GRK5: variants seen among roughly 807,000 people sequenced by gnomAD.
GRK5 encodes the protein g protein-coupled receptor kinase GRK5.
In GRK5, 40 loss-of-function variants were observed where a neutral mutation model predicts 78.4. The ratio of observed to expected loss-of-function variants is 0.51; its 90% confidence interval spans 0.40 to 0.66. The LOEUF is 0.66. Ranked by LOEUF, GRK5 falls within the 30% of genes least tolerant of loss-of-function variation. GRK5 has a pLI of 0.00. For missense variants in GRK5, 598 were observed against 759.9 expected (o/e 0.79, Z 2.50); for synonymous variants, 289 against 296.8 (o/e 0.97, Z 0.27).
chr10:119,333,903 C>A, intron 2 of GRK5: 1 of 518,078 alleles, frequency 1.9e-6, no homozygotes, highest in Non-Finnish European at 3.9e-6. Context: ...AGAACCAAGG[C>A]AAAGATCTAT....
rs377555115 is a variant in GRK5 at position 119,383,212 on chromosome 10, C to T, written c.261+2285C>T. Among the ~76,000 whole-genome samples the T allele has an allele frequency of 1.8e-3, 280 of 152,326 alleles. 3 individuals carry two copies. The highest frequency in any genetic ancestry group is 6.5e-3 in the African/African-American group (270 of 41,578). ...CTGGAACCACAGGCGTGAGCCACCGCGCCTGGCCTGGCTCCTTTATATTTC... is the reference window on the plus strand; with the variant it reads ...CTGGAACCACAGGCGTGAGCCACCGTGCCTGGCCTGGCTCCTTTATATTTC... On this transcript the variant is annotated intron_variant, in intron 3 of 15. Coordinates refer to ENST00000392870, the MANE Select transcript of GRK5 (RefSeq NM_005308.3).
At chr10:119,371,410 C>T (rs1851544997) in intron 2 of GRK5, among the ~76,000 whole-genome samples, 1 of 152,276 alleles carries the variant, frequency 6.6e-6, no homozygotes, top group East Asian at 1.9e-4. Context: ...AAAGTATGTT[C>T]CCATTTCATG....
intron 1 of GRK5, among the ~76,000 whole-genome samples, chr10:119,303,695 G>A (rs1010151444): frequency 6.7e-6 from 1 of 150,186 alleles, no homozygotes; most frequent in Non-Finnish European, 1.5e-5. Context: ...AAAGGGGCAA[G>A]AACGGAGGTG....
intron 2 of GRK5, among the ~76,000 whole-genome samples, chr10:119,348,633 G>A (rs1164027871): frequency 6.6e-6 from 1 of 152,222 alleles, no homozygotes; most frequent in African/African-American, 2.4e-5. Flanking sequence ...GCAGGACGAT[G>A]CTATGTGGCT....
chr10:119,364,192 C>T (rs1457428544), intron 2 of GRK5, among the ~76,000 whole-genome samples: 2 of 152,182 alleles, frequency 1.3e-5, no homozygotes, highest in South Asian at 4.1e-4. Context: ...AGATCCAACC[C>T]CAGCCCAATG....
chr10:119,445,082 C>T lies in GRK5; in HGVS notation c.1266+1330C>T, dbSNP rs1387728381. On this transcript the variant is annotated intron_variant, in intron 12 of 15. Transcript: ENST00000392870. The surrounding 1 kb of genome is among the most constrained non-coding windows in gnomAD (Gnocchi z 4.1). ...AAGTCCTGTGTGTACAGCAGACCCA[C>T]ACTCTAACCCCACAGCTGTTGGCCC... Among the ~76,000 whole-genome samples the T allele has an allele frequency of 1.3e-5, 2 of 152,192 alleles. No homozygotes were observed. Among genetic ancestry groups the T allele is most frequent in the African/African-American group, 4.8e-5 (2 of 41,434 alleles).
rs1853442076 is a variant in GRK5 at position 119,458,923 on chromosome 10, G to C, written c.*3856G>C. ...TGCCAAAGGGGACGGTGGCTTCCTG[G>C]ATAATTGGAAATCTCTGAGAAGAAG... On this transcript the variant is annotated 3_prime_UTR_variant, in exon 16 of 16. Coordinates refer to ENST00000392870, the MANE Select transcript of GRK5 (RefSeq NM_005308.3). 1 of 152,148 alleles carries C rather than the reference G, an allele frequency of 6.6e-6. No homozygotes were observed. Among genetic ancestry groups the C allele is most frequent in the Non-Finnish European group, 1.5e-5 (1 of 68,030 alleles). The allele number at this position is 152,148 out of a possible 1,614,324, so 9.4% of individuals were successfully genotyped here. A position where few individuals can be genotyped will look rare whatever the true frequency, so the allele number is the denominator to read the frequency against.
rs1454244411 is a variant in GRK5 at position 119,253,538 on chromosome 10, AT to A, written c.52+45570del. Among the ~76,000 whole-genome samples, 1 of 152,108 alleles carries A rather than the reference AT, an allele frequency of 6.6e-6. No homozygotes were observed. Among genetic ancestry groups the A allele is most frequent in the Non-Finnish European group, 1.5e-5 (1 of 68,018 alleles). Reference sequence around the variant, plus strand: ...AAGCCCTGGAGCTTAGGGTGCTGTGATATGCTTGCGGGATGCTGCCCCACCA... The same window carrying A: ...AAGCCCTGGAGCTTAGGGTGCTGTGAATGCTTGCGGGATGCTGCCCCACCA... On this transcript the variant is annotated intron_variant, in intron 1 of 15. Transcript: ENST00000392870. The surrounding 1 kb of genome is among the most constrained non-coding windows in gnomAD (Gnocchi z 5.7).
At position 119,436,641 on chromosome 10, in the gene GRK5, G is replaced by A. The variant is rs561865257; in HGVS notation, c.739-10G>A. The stretch of plus-strand genomic sequence containing the variant: ...ACAACCTCCCCATGGCACTGTTCTT[G>A]TGCTCCCAGGTCAACCTGGCCTATG... On this transcript the variant is annotated splice_polypyrimidine_tract_variant and intron_variant, in intron 8 of 15. Coordinates refer to ENST00000392870, the MANE Select transcript of GRK5 (RefSeq NM_005308.3). 1 of 1,613,958 alleles carries A rather than the reference G, an allele frequency of 6.2e-7. No homozygotes were observed. Among genetic ancestry groups the A allele is most frequent in the Non-Finnish European group, 8.5e-7 (1 of 1,179,930 alleles).
At chr10:119,444,088 C>A (rs1853095744) in intron 12 of GRK5, among the ~76,000 whole-genome samples, 1 of 152,166 alleles carries the variant, frequency 6.6e-6, no homozygotes, top group Admixed American at 6.5e-5. Flanking sequence ...GCCCCAGACA[C>A]AAAGCAACCT....
chr10:119,393,963 C>CTGTG (rs1251141902), intron 3 of GRK5, among the ~76,000 whole-genome samples: 1 of 137,426 alleles, frequency 7.3e-6, no homozygotes, highest in South Asian at 2.5e-4. Flanking sequence ...GTGTGGGTGT[C>CTGTG]TGTGTGTAGG....
chr10:119,263,472 A>G (rs1849444016), intron 1 of GRK5, among the ~76,000 whole-genome samples: 1 of 152,202 alleles, frequency 6.6e-6, no homozygotes, highest in Admixed American at 6.5e-5. Flanking sequence ...ATACAGTTAT[A>G]CAGGCCCATC....
intron 1 of GRK5, among the ~76,000 whole-genome samples, chr10:119,266,355 G>T (rs1481034302): frequency 6.6e-6 from 1 of 152,150 alleles, no homozygotes; most frequent in East Asian, 1.9e-4. Flanking sequence ...TACTCGGGAG[G>T]CTGAGACGGG....
At chr10:119,302,867 C>T (rs1358760263) in intron 1 of GRK5, among the ~76,000 whole-genome samples, 3 of 152,210 alleles carry the variant, frequency 2.0e-5, no homozygotes, top group Non-Finnish European at 2.9e-5. Flanking sequence ...TGACCAACAT[C>T]ACCCTCTGCC....
intron 2 of GRK5, among the ~76,000 whole-genome samples, chr10:119,354,395 CTTTTT>C (rs60146483): frequency 1.1e-4 from 10 of 87,818 alleles, no homozygotes; most frequent in South Asian, 4.3e-4. Context: ...CCTACATCTC[CTTTTT>C]TTTTTTTTTT....
intron 1 of GRK5, among the ~76,000 whole-genome samples, chr10:119,284,643 G>T (rs1417741427): frequency 6.6e-6 from 1 of 152,214 alleles, no homozygotes; most frequent in East Asian, 1.9e-4. Context: ...AGGCTGCTGT[G>T]GCCTCTCAGT....
chr10:119,434,062 T>C (rs1852873937), intron 8 of GRK5, among the ~76,000 whole-genome samples: 1 of 152,122 alleles, frequency 6.6e-6, no homozygotes, highest in Admixed American at 6.5e-5. Flanking sequence ...TATAAAACCA[T>C]CAGATCTCAT....
chr10:119,374,582 C>G (rs1046482012), intron 2 of GRK5, among the ~76,000 whole-genome samples: 6 of 152,294 alleles, frequency 3.9e-5, no homozygotes, highest in African/African-American at 1.2e-4. Context: ...TGTGCCCAGG[C>G]CCCCAAGACG....
chr10:119,216,625 A>C (rs1180493996), intron 1 of GRK5, among the ~76,000 whole-genome samples: 1 of 151,958 alleles, frequency 6.6e-6, no homozygotes, highest in African/African-American at 2.4e-5. Context: ...CGTGGGCAGC[A>C]TAGCAAGACC....
Sources: allele counts gnomAD v4.1 joint callset (sites outside exome capture counted in the v4.1 genomes callset), GRCh38; gene constraint gnomAD v4.1.1; non-coding constraint Gnocchi (gnomAD v3.1); transcripts MANE v1.5; gene names NCBI Gene and HGNC (gene_info 2026-07-23, HGNC 2026-07-21).